GUCY2C: variants seen among roughly 807,000 people sequenced by gnomAD.
The protein encoded by GUCY2C is guanylyl cyclase C.
In GUCY2C, 118 loss-of-function variants were observed where a neutral mutation model predicts 131.1. The observed-to-expected ratio is 0.90, with a 90% CI of 0.78 to 1.05. The LOEUF is 1.05. Ranked by LOEUF, GUCY2C falls within the 50% of genes least tolerant of loss-of-function variation. GUCY2C has a pLI of 0.00. For synonymous variants in GUCY2C, 452 were observed against 457.8 expected (o/e 0.99, Z 0.16); for missense variants, 1,161 against 1,304.4 (o/e 0.89, Z 1.69).
intron 13 of GUCY2C, among the ~76,000 whole-genome samples, chr12:14,652,633 G>A (rs186632758): frequency 7.9e-5 from 12 of 152,324 alleles, no homozygotes; most frequent in East Asian, 7.7e-4. Context: ...ATATGAGATC[G>A]TTGTATTTCT....
At chr12:14,675,223 A>G (rs1404973679) in intron 7 of GUCY2C, among the ~76,000 whole-genome samples, 9 of 144,938 alleles carry the variant, frequency 6.2e-5, no homozygotes, top group South Asian at 2.2e-4. Flanking sequence ...AAAAAAAAAA[A>G]AAAAAAGAAA....
At chr12:14,640,754 C>T (rs1947383462) in intron 18 of GUCY2C, among the ~76,000 whole-genome samples, 1 of 152,158 alleles carries the variant, frequency 6.6e-6, no homozygotes, top group Non-Finnish European at 1.5e-5. Context: ...ATATGTATGT[C>T]ATCCTGTTAG....
rs1946886534 is a variant in GUCY2C, at chr12:14,621,096, C to T, written c.2722G>A (p.Glu908Lys). 6.2e-7 allele frequency: 1 copy of T among 1,613,948 alleles called. No homozygotes were observed. Among genetic ancestry groups the T allele is most frequent in the Admixed American group, 1.7e-5 (1 of 59,994 alleles). Reference protein sequence around the residue: ...LEILSFMGTFELEHLPGLPIW... With the variant: ...LEILSFMGTFKLEHLPGLPIW... ...GGGAGGCCAGGAAGATGCTCCAGCTCAAAGGTCCCCATGAAGCTGAGGATT... is the reference window on the plus strand; with the variant it reads ...GGGAGGCCAGGAAGATGCTCCAGCTTAAAGGTCCCCATGAAGCTGAGGATT... Residue 908 changes from glutamate to lysine, a missense_variant, in exon 23 of 27, where the codon GAG becomes AAG. Coordinates refer to ENST00000261170, the MANE Select transcript of GUCY2C (RefSeq NM_004963.4).
At position 14,673,861 on chromosome 12, in the gene GUCY2C, G is replaced by T. The variant is rs79918537; in HGVS notation, c.1084+764C>A. On this transcript the variant is annotated intron_variant, in intron 8 of 26. Transcript: ENST00000261170. ...CTGTGTCTCCCTCCCTGCATCTTCA[G>T]TGAAGCAGAAGTGATCTCTTCCTGC... 1.4e-3 allele frequency among the ~76,000 whole-genome samples: 210 copies of T among 152,260 alleles called. 1 individual carries two copies. Among genetic ancestry groups the T allele is most frequent in the South Asian group, 2.5e-3 (12 of 4,822 alleles).
At chr12:14,628,819 G>A (rs1332710145) in intron 19 of GUCY2C, 82 bp from the exon 20 acceptor site, 9 of 781,734 alleles carry the variant, frequency 1.2e-5, no homozygotes, top group Admixed American at 1.8e-5. Flanking sequence ...ATTGATGGGA[G>A]TGATTAAGGC....
chr12:14,662,562 G>C (rs1344716184), intron 10 of GUCY2C, among the ~76,000 whole-genome samples: 1 of 151,698 alleles, frequency 6.6e-6, no homozygotes, highest in Non-Finnish European at 1.5e-5. Context: ...TGTAATCCCA[G>C]CTATTCGGGA....
chr12:14,676,870 G>T lies in GUCY2C; in HGVS notation c.932C>A (p.Ser311Tyr). The part of the protein sequence containing the change: ...PGNSLLNSSF[S>Y]RNLSPTKRDF... ...ATAGCTTACTGGTGATAGATTCCTG[G>T]AGAAAGAGCTATTTAGAAGGGAATT... is the stretch of plus-strand genomic sequence containing the variant. Residue 311 changes from serine to tyrosine, a missense_variant, in exon 7 of 27, where the codon TCC becomes TAC. Ser to Tyr is a moderately radical substitution (Grantham distance 144). Coordinates refer to ENST00000261170, the MANE Select transcript of GUCY2C (RefSeq NM_004963.4). The T allele has an allele frequency of 7.2e-7, 1 of 1,396,412 alleles. No homozygotes were observed. 86.5% of individuals were successfully genotyped at this position (1,396,412 alleles called of 1,614,324 possible).
intron 19 of GUCY2C, 94 bp downstream of exon 19, chr12:14,639,768 A>C (rs1947354756): frequency 1.1e-5 from 9 of 805,822 alleles, no homozygotes; most frequent in Non-Finnish European, 1.7e-5. Context: ...AGTCTCCAGA[A>C]CCGTAAGTGA....
intron 16 of GUCY2C, among the ~76,000 whole-genome samples, chr12:14,644,276 T>C (rs1381936951): frequency 1.3e-5 from 2 of 152,148 alleles, no homozygotes; most frequent in African/African-American, 4.8e-5. Flanking sequence ...TGAGGCAGGA[T>C]AATCGCTTGA....
At chr12:14,641,327 G>A in intron 17 of GUCY2C, 108 bp from the exon 18 acceptor site, 1 of 1,117,594 alleles carries the variant, frequency 8.9e-7, no homozygotes, top group Non-Finnish European at 1.3e-6. Flanking sequence ...CTAAATATGG[G>A]TGATAGCTTA....
intron 1 of GUCY2C, among the ~76,000 whole-genome samples, chr12:14,695,997 C>CT (rs1326044818): frequency 2.0e-5 from 3 of 152,234 alleles, no homozygotes; most frequent in East Asian, 3.9e-4. Flanking sequence ...GCCGTGAACA[C>CT]TTTACATTTC....
In GUCY2C at chr12:14,628,689, G is replaced by T; in HGVS notation, c.2206C>A (p.Pro736Thr). Residue 736 changes from proline to threonine, a missense_variant, in exon 20 of 27, where the codon CCA (proline) becomes ACA (threonine). Transcript: ENST00000261170. ...NCWEEDPEKRPDFKKIETTLA... is the reference protein window; with the variant it reads ...NCWEEDPEKRTDFKKIETTLA... ...GTAGTCTCAATTTTTTTGAAATCTGGTCTCTTTTCTGGATCTTCCTCCCAA... is the reference window on the plus strand; with the variant it reads ...GTAGTCTCAATTTTTTTGAAATCTGTTCTCTTTTCTGGATCTTCCTCCCAA... The T allele has an allele frequency of 1.2e-6, 2 of 1,602,142 alleles. No individual in the cohort carries two copies. The highest frequency in any genetic ancestry group is 1.7e-6 in the Non-Finnish European group (2 of 1,169,770).
At chr12:14,641,041 G>C in intron 18 of GUCY2C, 41 bp downstream of exon 18, 1 of 1,598,466 alleles carries the variant, frequency 6.3e-7, no homozygotes, top group South Asian at 1.1e-5. Context: ...AAGCAGGTTG[G>C]CTCACTCCCA....
chr12:14,641,349 G>T, intron 17 of GUCY2C, 130 bp from the exon 18 acceptor site: 1 of 912,052 alleles, frequency 1.1e-6, no homozygotes, highest in Non-Finnish European at 1.6e-6. Context: ...AAGTGGCCTT[G>T]AATTGATATG....
chr12:14,629,232 G>A (rs892338476), intron 19 of GUCY2C, among the ~76,000 whole-genome samples: 4 of 151,986 alleles, frequency 2.6e-5, no homozygotes, highest in South Asian at 2.1e-4. Context: ...CTTCTTAACC[G>A]GACCCATTTA....
chr12:14,660,724 C>T (rs993765749), intron 11 of GUCY2C, among the ~76,000 whole-genome samples: 4 of 152,166 alleles, frequency 2.6e-5, no homozygotes, highest in Admixed American at 6.5e-5. Flanking sequence ...CTAAGTAACA[C>T]GCTTAAGACC....
At chr12:14,673,887 C>T (rs922892897) in intron 8 of GUCY2C, among the ~76,000 whole-genome samples, 5 of 152,148 alleles carry the variant, frequency 3.3e-5, no homozygotes, top group African/African-American at 1.2e-4. Context: ...CTCTTCCTGC[C>T]ATTGTCATAC....
chr12:14,622,540 C>G (rs989223846), intron 21 of GUCY2C, among the ~76,000 whole-genome samples: 1 of 152,176 alleles, frequency 6.6e-6, no homozygotes, highest in Non-Finnish European at 1.5e-5. Context: ...TATTGATAAT[C>G]AACCTCTTAC....
Position 14,625,388 on chromosome 12 carries a change from C to T in GUCY2C, c.2408+369G>A, listed in dbSNP as rs575752209. Reference sequence around the variant, plus strand: ...TGTCACCCAGGCTGGAGTGCAGTGGCGCGATCTTGGCTCACTGCAACCTCC... The same window carrying T: ...TGTCACCCAGGCTGGAGTGCAGTGGTGCGATCTTGGCTCACTGCAACCTCC... On this transcript the variant is annotated intron_variant, in intron 21 of 26. Coordinates refer to ENST00000261170, the MANE Select transcript of GUCY2C (RefSeq NM_004963.4). Among the ~76,000 whole-genome samples, 47 of 150,266 alleles carry T rather than the reference C, an allele frequency of 3.1e-4. 1 individual carries two copies. Among genetic ancestry groups the T allele is most frequent in the African/African-American group, 1.1e-3 (44 of 40,604 alleles).
Sources: gnomAD v4.1 joint callset for allele counts (sites outside exome capture counted in the v4.1 genomes callset) on GRCh38, gnomAD v4.1.1 for gene constraint, MANE v1.5 for transcripts, NCBI Gene and HGNC (gene_info 2026-07-23, HGNC 2026-07-21) for gene names.